The following DMD variants were observed in gnomAD, a reference collection of about 807,000 sequenced individuals.
DMD encodes the protein dystrophin.
DMD carries 63 observed loss-of-function variants against 330.1 expected under a neutral mutation model. The ratio of observed to expected loss-of-function variants is 0.19; its 90% CI spans 0.16 to 0.24. DMD has a LOEUF of 0.24. Among genes scored for constraint, DMD ranks in the 10% least tolerant of loss-of-function variants. DMD has a pLI of 1.00. For synonymous variants in DMD, 1,223 were observed against 959.8 expected, an observed-to-expected ratio of 1.27 and a Z score of -5.07; for missense variants, 3,344 against 2,684.1, an observed-to-expected ratio of 1.25 and a Z score of -5.43.
At chrX:31,185,219 G>C (rs767371690) in intron 67 of DMD, among the ~76,000 whole-genome samples, 2 of 111,822 alleles carry the variant, frequency 1.8e-5, no homozygotes, top group South Asian at 3.8e-4. Context: ...TCTTAAACCT[G>C]TGATTTAGAG....
chrX:31,943,476 C>T (rs1377097328), intron 45 of DMD, among the ~76,000 whole-genome samples: 1 of 111,783 alleles, frequency 8.9e-6, no homozygotes, highest in Non-Finnish European at 1.9e-5. Context: ...CGAACATTTC[C>T]AACTATGAGA....
At chrX:31,327,266 C>A (rs1296394064) in intron 61 of DMD, among the ~76,000 whole-genome samples, 1 of 112,132 alleles carries the variant, frequency 8.9e-6, no homozygotes, top group Non-Finnish European at 1.9e-5. Context: ...GTTACAGACA[C>A]AGTATGTTAT....
Position 32,595,197 on chromosome X carries a change from T to G in DMD, c.1602+560A>C, listed in dbSNP as rs756156692. Among the ~76,000 whole-genome samples, 3 of 111,526 alleles carry G rather than the reference T, an allele frequency of 2.7e-5. No individual in the cohort carries two copies. The South Asian group carries it at 1.1e-3, about 42-fold the overall frequency. On this transcript the variant is annotated intron_variant, in intron 13 of 78. Coordinates refer to ENST00000357033, the MANE Select transcript of DMD (RefSeq NM_004006.3). ...TACATTTACCGATATTTAGTAGATG[T>G]CTTTGGGCCAAAGAAATAAAGGCAG...
intron 7 of DMD, among the ~76,000 whole-genome samples, chrX:32,718,596 C>T (rs892216307): frequency 8.9e-6 from 1 of 112,077 alleles, no homozygotes; most frequent in African/African-American, 3.2e-5. Flanking sequence ...TTTCTCAGGA[C>T]TTGGTAATGT....
chrX:33,140,008 C>T (rs2047720641), intron 1 of DMD, among the ~76,000 whole-genome samples: 1 of 110,669 alleles, frequency 9.0e-6, no homozygotes, highest in Non-Finnish European at 1.9e-5. Context: ...GACAGTGGTT[C>T]TGTTTGACTT....
chrX:32,894,193 G>T (rs1603459356), intron 2 of DMD, among the ~76,000 whole-genome samples: 1 of 112,122 alleles, frequency 8.9e-6, no homozygotes, highest in Non-Finnish European at 1.9e-5. Context: ...CAATACATCT[G>T]CCCAAATAAA....
intron 55 of DMD, among the ~76,000 whole-genome samples, chrX:31,584,946 C>T (rs1052618572): frequency 1.8e-5 from 2 of 110,641 alleles, no homozygotes; most frequent in Admixed American, 1.9e-4. Context: ...CCTTCCATAT[C>T]CTATAGTCAC....
At chrX:32,492,352 T>C (rs934783864) in intron 19 of DMD, among the ~76,000 whole-genome samples, 2 of 112,159 alleles carry the variant, frequency 1.8e-5, no homozygotes, top group Non-Finnish European at 3.8e-5. Flanking sequence ...TGTCCATGGA[T>C]GCGAGGAAGA....
In DMD at chrX:32,454,938, T is replaced by C. The variant is rs1603633870; in HGVS notation, c.3433-106A>G. ...TAACAGAAAGCTTAGATAGTAATGA[T>C]AAAGAAGTAAAAAGCTTATATGCAT... On this transcript the variant is annotated intron_variant, in intron 25 of 78. Coordinates refer to ENST00000357033, the MANE Select transcript of DMD (RefSeq NM_004006.3). The C allele has an allele frequency of 1.8e-5, 17 of 953,097 alleles. No individual in the cohort carries two copies. The East Asian group carries it at 5.7e-4, about 32-fold the overall frequency. 78.5% of individuals were successfully genotyped at this position (953,097 alleles called of 1,213,427 possible). A position where few individuals can be genotyped will look rare whatever the true frequency, so the allele number is the denominator to read the frequency against.
chrX:32,249,020 G>GAT (rs1456395420), intron 43 of DMD, among the ~76,000 whole-genome samples: 2 of 110,545 alleles, frequency 1.8e-5, no homozygotes, highest in African/African-American at 6.6e-5. Flanking sequence ...TATATATAAT[G>GAT]ATATATATTC....
chrX:31,774,485 T>C (rs1234083171), intron 50 of DMD, among the ~76,000 whole-genome samples: 1 of 111,920 alleles, frequency 8.9e-6, no homozygotes, highest in Non-Finnish European at 1.9e-5. Context: ...TTAAGTTAAA[T>C]AAGCCTTCTC....
Position 31,763,315 on chromosome X carries a change from G to A in DMD, c.7542+10645C>T, listed in dbSNP as rs185164936. On this transcript the variant is annotated intron_variant, in intron 51 of 78. Coordinates refer to ENST00000357033, the MANE Select transcript of DMD (RefSeq NM_004006.3). ...ACGGTGGCTCACGCCTGTAATCCCC[G>A]CACTTTGGGAGGCCAAGGCAGGTGG... Among the ~76,000 whole-genome samples, 351 of 112,417 alleles carry A rather than the reference G, an allele frequency of 3.1e-3. 3 individuals carry two copies. The highest frequency in any genetic ancestry group is 4.5e-3 in the Non-Finnish European group (239 of 53,243).
chrX:33,217,413 A>T (rs1458060866), intron 1 of DMD, among the ~76,000 whole-genome samples: 1 of 111,705 alleles, frequency 9.0e-6, no homozygotes, highest in Non-Finnish European at 1.9e-5. Context: ...AATTCCATTA[A>T]TACAGTATAT....
chrX:32,443,158 G>A (rs1209590521), intron 27 of DMD, among the ~76,000 whole-genome samples: 2 of 110,336 alleles, frequency 1.8e-5, no homozygotes, highest in Non-Finnish European at 3.8e-5. Flanking sequence ...ACCTGCCCCC[G>A]CCTCACTACC....
chrX:31,215,909 C>T (rs1351018969), intron 64 of DMD, among the ~76,000 whole-genome samples: 1 of 112,066 alleles, frequency 8.9e-6, no homozygotes, highest in East Asian at 2.8e-4. Flanking sequence ...ACAGAAATTT[C>T]TGTGACATAC....
intron 6 of DMD, among the ~76,000 whole-genome samples, chrX:32,809,928 A>AAAAAAAAAAAAAAAAAAAAAAAAAG (rs2077228558): frequency 2.3e-5 from 2 of 85,785 alleles, no homozygotes; most frequent in African/African-American, 8.2e-5. Flanking sequence ...CCAAAAAAAA[A>AAAAAAAAAAAAAAAAAAAAAAAAAG]AAAAAAAAAA....
At chrX:32,936,851 C>T (rs1183000720) in intron 2 of DMD, among the ~76,000 whole-genome samples, 1 of 111,832 alleles carries the variant, frequency 8.9e-6, no homozygotes, top group Non-Finnish European at 1.9e-5. Flanking sequence ...CAGGTGCTTG[C>T]GTCTGAGACA....
intron 43 of DMD, among the ~76,000 whole-genome samples, chrX:32,265,132 G>T (rs1410267720): frequency 8.9e-6 from 1 of 112,050 alleles, no homozygotes; most frequent in East Asian, 2.8e-4. Flanking sequence ...CATAGGACCA[G>T]AGGCCTAGGA....
intron 71 of DMD, among the ~76,000 whole-genome samples, 160 bp from the exon 72 acceptor site, chrX:31,173,764 A>G (rs756756170): frequency 8.9e-6 from 1 of 112,019 alleles, no homozygotes; most frequent in East Asian, 2.8e-4. Context: ...ATTATCAAGT[A>G]TTTTAAAATC....
Sources: gnomAD v4.1 joint callset for allele counts (sites outside exome capture counted in the v4.1 genomes callset) on GRCh38, gnomAD v4.1.1 for gene constraint, MANE v1.5 for transcripts, NCBI Gene and HGNC (gene_info 2026-07-23, HGNC 2026-07-21) for gene names.